Variants in TMEM201 observed in about 807,000 individuals in gnomAD.
TMEM201 encodes the protein transmembrane protein 201, also known as RP13-15M17.2.
TMEM201 carries 26 observed loss-of-function variants against 63.4 expected under a neutral mutation model. The ratio of observed to expected loss-of-function variants is 0.41; its 90% confidence interval spans 0.30 to 0.57. The LOEUF is 0.57. TMEM201 is among the 20% of genes least tolerant of loss of function. TMEM201 has a pLI of 0.29. For missense variants in TMEM201, 794 were observed against 917.7 expected, an observed-to-expected ratio of 0.87 and a Z score of 1.74; for synonymous variants, 417 against 421.6, an observed-to-expected ratio of 0.99 and a Z score of 0.14.
At chr1:9,602,911 C>T (rs1644173367) in intron 6 of TMEM201, 2 of 985,510 alleles carry the variant, frequency 2.0e-6, no homozygotes, top group African/African-American at 1.7e-5. Context: ...TGCTGCTTGG[C>T]CTCCTGCTCC....
At chr1:9,601,587 C>T (rs1238430351) in intron 5 of TMEM201, 133 bp downstream of exon 5, 2 of 940,534 alleles carry the variant, frequency 2.1e-6, no homozygotes, top group Non-Finnish European at 3.1e-6. Context: ...TGGTACAAGG[C>T]TTGGTCCCAG....
chr1:9,607,623 T>TCGA lies in TMEM201; in HGVS notation c.1227_1228insCGA (p.Ser409_Val410insArg). On this transcript the variant is annotated inframe_insertion, in exon 7 of 11. Coordinates refer to ENST00000340381, the MANE Select transcript of TMEM201 (RefSeq NM_001130924.3). The surrounding 1 kb of genome is among the most constrained non-coding windows in gnomAD (Gnocchi z 5.4). ...CCAGCTTGGCCATCCCTCACCCGAG[T>TCGA]GTCGGAGGCTCTCCAGCGTCTCTGT... 6.4e-7 allele frequency: 1 copy of TCGA among 1,551,532 alleles called. No homozygotes were observed. The highest frequency in any genetic ancestry group is 8.7e-7 in the Non-Finnish European group (1 of 1,147,008).
At position 9,598,596 on chromosome 1, in the gene TMEM201, C is replaced by A. The variant is rs143297414; in HGVS notation, c.577C>A (p.Arg193Ser). Residue 193 changes from arginine to serine, a missense_variant, in exon 4 of 11, where the codon CGC (arginine) becomes AGC (serine). Physicochemically the swap from Arg to Ser is moderately radical, Grantham distance 110. Transcript: ENST00000340381. Reference protein sequence around the residue: ...RALLLSHQFKRREADQTHAQN... With the variant: ...RALLLSHQFKSREADQTHAQN... ...CCTGTTGCTCAGCCACCAGTTCAAG[C>A]GCCGGGAGGCCGACCAGACCCACGC... The A allele has an allele frequency of 1.9e-6, 3 of 1,613,216 alleles. No homozygotes were observed. The highest frequency in any genetic ancestry group is 1.7e-5 in the Admixed American group (1 of 59,996).
chr1:9,596,917 T>C lies in TMEM201; in HGVS notation c.293T>C (p.Val98Ala), dbSNP rs1644033456. ...AQYLEHLNHV[V>A]SSAPSLRDPS... ...TACTTGGAGCACCTGAACCACGTGG[T>C]GAGCAGCGCGCCCAGCCTGCGCGAC... Residue 98 changes from valine (V) to alanine (A), a missense_variant, in exon 3 of 11, where the codon GTG becomes GCG. Coordinates refer to ENST00000340381, the MANE Select transcript of TMEM201 (RefSeq NM_001130924.3). The C allele has an allele frequency of 6.2e-7, 1 of 1,611,476 alleles. No homozygotes were observed.
Position 9,593,714 on chromosome 1 carries a change from C to T in TMEM201, c.114-2176C>T, listed in dbSNP as rs944291060. Among the ~76,000 whole-genome samples, 5 of 152,342 alleles carry T rather than the reference C, an allele frequency of 3.3e-5. 1 individual carries two copies. Among genetic ancestry groups the T allele is most frequent in the South Asian group, 4.1e-4 (2 of 4,828 alleles). ...GCTCAGCTGTCATTGGTCCCCTAGG[C>T]AGGCTCAAGGGTTGACCTTCCTTTT... On this transcript the variant is annotated intron_variant, in intron 1 of 10. Transcript: ENST00000340381.
chr1:9,610,060 C>A lies in TMEM201; in HGVS notation c.1465+149C>A. 2 of 705,950 alleles carry A rather than the reference C, an allele frequency of 2.8e-6. No homozygotes were observed. The highest frequency in any genetic ancestry group is 4.9e-6 in the Non-Finnish European group (2 of 404,374). The allele number at this position is 705,950 out of a possible 1,614,324, so 43.7% of individuals were successfully genotyped here. A position where few individuals can be genotyped will look rare whatever the true frequency, so the allele number is the denominator to read the frequency against. ...TGGGCAAGTGACCTACACACCTGTG[C>A]CTCAGTTTCCTCTTGCGTGAAATGG... On this transcript the variant is annotated intron_variant, in intron 8 of 10. Transcript: ENST00000340381. The surrounding 1 kb of genome is among the most constrained non-coding windows in gnomAD (Gnocchi z 4.9).
intron 1 of TMEM201, among the ~76,000 whole-genome samples, chr1:9,595,055 C>T (rs1375595587): frequency 6.6e-6 from 1 of 152,210 alleles, no homozygotes; most frequent in Non-Finnish European, 1.5e-5. Context: ...GGCCCCAGGG[C>T]TCCCACAGCT....
In TMEM201 at chr1:9,608,918, G is replaced by A. The variant is rs1644283647; in HGVS notation, c.1394-922G>A. On this transcript the variant is annotated intron_variant, in intron 7 of 10. Coordinates refer to ENST00000340381, the MANE Select transcript of TMEM201 (RefSeq NM_001130924.3). This position sits in a 1 kb window ranked among gnomAD's most constrained non-coding sequence, Gnocchi z 4.3. ...CATTACCAGAGTGGGTCGGGGGGAG[G>A]AGCCCGGTCTCCATCGCCAGAGGGT... Among the ~76,000 whole-genome samples, 1 of 152,186 alleles carries A rather than the reference G, an allele frequency of 6.6e-6. No individual in the cohort carries two copies. The highest frequency in any genetic ancestry group is 1.5e-5 in the Non-Finnish European group (1 of 68,026).
rs555344173 is a variant in TMEM201, at chr1:9,611,908, C to T, written c.1903+18C>T. The T allele has an allele frequency of 8.2e-5, 92 of 1,115,982 alleles. 1 individual carries two copies. The African/African-American group carries it at 1.1e-3, about 13-fold the overall frequency. The allele number at this position is 1,115,982 out of a possible 1,614,324, so 69.1% of individuals were successfully genotyped here. A position where few individuals can be genotyped will look rare whatever the true frequency, so the allele number is the denominator to read the frequency against. On this transcript the variant is annotated intron_variant, in intron 10 of 10. Coordinates refer to ENST00000340381, the MANE Select transcript of TMEM201 (RefSeq NM_001130924.3). The stretch of plus-strand genomic sequence containing the variant: ...CTGGAGAGGTCTGTACCCTGAGGTG[C>T]GGGAGGGGAGGGGGTGGGCACACAT...
Position 9,603,200 on chromosome 1 carries a change from G to A in TMEM201, c.1160+928G>A, listed in dbSNP as rs1644180005. 1.0e-6 allele frequency: 1 copy of A among 985,350 alleles called. No homozygotes were observed. The highest frequency in any genetic ancestry group is 6.2e-5 in the Admixed American group (1 of 16,258). The allele number at this position is 985,350 out of a possible 1,614,324, so 61.0% of individuals were successfully genotyped here. A position where few individuals can be genotyped will look rare whatever the true frequency, so the allele number is the denominator to read the frequency against. On this transcript the variant is annotated intron_variant, in intron 6 of 10. Coordinates refer to ENST00000340381, the MANE Select transcript of TMEM201 (RefSeq NM_001130924.3). This position sits in a 1 kb window ranked among gnomAD's most constrained non-coding sequence, Gnocchi z 4.5. ...CACTCTGTCCTCCGACTCAGGTGAG[G>A]GGGCAGCCCACAGACCTGCTCCTCA...
At position 9,602,141 on chromosome 1, in the gene TMEM201, C is replaced by A. The variant is rs200494396; in HGVS notation, c.1029C>A (p.His343Gln). 59 of 1,612,890 alleles carry A rather than the reference C, an allele frequency of 3.7e-5. No individual in the cohort carries two copies. Among genetic ancestry groups the A allele is most frequent in the Non-Finnish European group, 4.9e-5 (58 of 1,180,018 alleles). The part of the protein sequence containing the change: ...LLLGLHLAEQ[H>Q]LQAASPSWLD... ...TGGGGCTGCACCTGGCTGAGCAGCA[C>A]CTGCAGGCCGCCTCGCCTAGCTGGC... Residue 343 changes from histidine to glutamine, a missense_variant, in exon 6 of 11, where the codon CAC (histidine) becomes CAA (glutamine). By Grantham distance (24) the His-to-Gln change is conservative. Transcript: ENST00000340381.
chr1:9,589,032 G>C lies in TMEM201; in HGVS notation c.102G>C (p.Arg34=). 1 of 1,142,808 alleles carries C rather than the reference G, an allele frequency of 8.8e-7. No individual in the cohort carries two copies. 70.8% of individuals were successfully genotyped at this position (1,142,808 alleles called of 1,614,324 possible). Residue 34 remains arginine, a synonymous_variant, in exon 1 of 11, where the codon CGG becomes CGC. Transcript: ENST00000340381. The part of the protein sequence containing the change: ...ACAAAGVLLY[R]IARRMKPTHT... ...CCGCGGCCGGCGTGTTGCTCTACCGGATCGCGCGGAGGTGAGTGCATGGTT... is the reference window on the plus strand; with the variant it reads ...CCGCGGCCGGCGTGTTGCTCTACCGCATCGCGCGGAGGTGAGTGCATGGTT...
intron 1 of TMEM201, among the ~76,000 whole-genome samples, chr1:9,591,859 C>T (rs1643927716): frequency 6.6e-6 from 1 of 152,270 alleles, no homozygotes; most frequent in Non-Finnish European, 1.5e-5. Context: ...CCTCCCTCTG[C>T]CGTCTGCCCT....
chr1:9,593,444 G>C (rs1643955726), intron 1 of TMEM201, among the ~76,000 whole-genome samples: 1 of 152,196 alleles, frequency 6.6e-6, no homozygotes, highest in East Asian at 1.9e-4. Flanking sequence ...CAGCTGCTCT[G>C]GCCACCAGAG....
chr1:9,609,067 C>G (rs1450329801), intron 7 of TMEM201, among the ~76,000 whole-genome samples: 1 of 152,224 alleles, frequency 6.6e-6, no homozygotes, highest in Non-Finnish European at 1.5e-5. Flanking sequence ...GTCCGCTTCT[C>G]TGCCACACAC....
rs575984761 is a variant in TMEM201, at chr1:9,605,252, G to A, written c.1161-2305G>A. 3.9e-5 allele frequency among the ~76,000 whole-genome samples: 6 copies of A among 152,316 alleles called. No homozygotes were observed. The highest frequency in any genetic ancestry group is 2.1e-4 in the South Asian group (1 of 4,822). On this transcript the variant is annotated intron_variant, in intron 6 of 10. Coordinates refer to ENST00000340381, the MANE Select transcript of TMEM201 (RefSeq NM_001130924.3). The surrounding 1 kb of genome is among the most constrained non-coding windows in gnomAD (Gnocchi z 5.7). The stretch of plus-strand genomic sequence containing the variant: ...CATCTCCCCTTGGTGTCAGATGAGC[G>A]TATCCGCTCCGGCACTCCCCAGAGC...
In TMEM201 at chr1:9,613,008, C is replaced by G; in HGVS notation, c.1926C>G (p.Val642=). The G allele has an allele frequency of 1.3e-6, 2 of 1,551,556 alleles. No homozygotes were observed. The highest frequency in any genetic ancestry group is 1.2e-5 in the South Asian group (1 of 84,068). ...CAGGTCGTTTCGGCCCTTCCCTGGT[C>G]CGGGGCCTCCTGGCCGTGAGCTTGG... ...TWRGRFGPSL[V]RGLLAVSLAA... Residue 642 remains valine (V), a synonymous_variant, in exon 11 of 11, where the codon GTC becomes GTG. Coordinates refer to ENST00000340381, the MANE Select transcript of TMEM201 (RefSeq NM_001130924.3).
In TMEM201 at chr1:9,597,054, G is replaced by A; in HGVS notation, c.429+1G>A. The stretch of plus-strand genomic sequence containing the variant: ...GGCCGCCTTCGCTCCCCGCGAGGAG[G>A]TGAGGCCGGGTTGGGAGGGCAGGGG... On this transcript the variant is annotated splice_donor_variant, in intron 3 of 10. Coordinates refer to ENST00000340381, the MANE Select transcript of TMEM201 (RefSeq NM_001130924.3). LOFTEE classifies it high-confidence loss of function. 6.3e-7 allele frequency: 1 copy of A among 1,599,168 alleles called. No individual in the cohort carries two copies. Among genetic ancestry groups the A allele is most frequent in the Non-Finnish European group, 8.5e-7 (1 of 1,169,956 alleles).
intron 6 of TMEM201, chr1:9,602,751 A>T: frequency 9.9e-7 from 1 of 1,012,534 alleles, no homozygotes; most frequent in Non-Finnish European, 1.2e-6. Context: ...GCGTGCCCTG[A>T]CCGTGCAGCA....
Sources: allele counts gnomAD v4.1 joint callset (sites outside exome capture counted in the v4.1 genomes callset), GRCh38; gene constraint gnomAD v4.1.1; non-coding constraint Gnocchi (gnomAD v3.1); transcripts MANE v1.5; gene names NCBI Gene and HGNC (gene_info 2026-07-23, HGNC 2026-07-21).